The following PCDH9 variants were observed in gnomAD, a reference collection of about 807,000 sequenced individuals.
PCDH9 encodes protocadherin-9.
A neutral mutation model predicts 70.6 loss-of-function variants in PCDH9; 24 were observed. That is an observed-to-expected ratio of 0.34 (90% CI 0.25 to 0.48). The LOEUF (loss-of-function observed/expected upper bound fraction) is 0.48. Ranked by LOEUF, PCDH9 falls within the 20% of genes least tolerant of loss-of-function variation. The probability of loss-of-function intolerance (pLI) is 0.99; values close to 1 mark genes in which losing one functional copy is unlikely to be tolerated. For missense variants in PCDH9, 1,281 were observed against 1,503.6 expected, an observed-to-expected ratio of 0.85 and a Z score of 2.45; for synonymous variants, 562 against 558.5, an observed-to-expected ratio of 1.01 and a Z score of -0.09.
chr13:66,471,829 T>G (rs2138483508), intron 4 of PCDH9, among the ~76,000 whole-genome samples: 1 of 152,084 alleles, frequency 6.6e-6, no homozygotes, highest in East Asian at 1.9e-4. Context: ...GAAGGGAAAG[T>G]GTGGGTTATT....
chr13:66,505,940 G>C (rs543989349), intron 4 of PCDH9, among the ~76,000 whole-genome samples: 1 of 152,048 alleles, frequency 6.6e-6, no homozygotes, highest in South Asian at 2.1e-4. Context: ...CTGCCACCAC[G>C]CCCAACTCAA....
intron 3 of PCDH9, among the ~76,000 whole-genome samples, chr13:66,803,220 TC>T (rs1215014599): frequency 1.2e-4 from 19 of 152,160 alleles, no homozygotes; most frequent in Admixed American, 2.6e-4. Context: ...AAACAAGTAT[TC>T]TTTTTCTTTT....
intron 2 of PCDH9, chr13:67,212,393 T>C (rs1423554309): frequency 6.6e-6 from 1 of 152,116 alleles, no homozygotes; most frequent in African/African-American, 2.4e-5. Context: ...AAAAAAGTAC[T>C]GTGCTTAAAA....
intron 2 of PCDH9, among the ~76,000 whole-genome samples, chr13:67,077,554 C>T (rs1482474683): frequency 6.6e-6 from 1 of 152,132 alleles, no homozygotes; most frequent in Non-Finnish European, 1.5e-5. Flanking sequence ...CCATTTTTGT[C>T]TCTTTGTATC....
chr13:67,171,954 A>G (rs1488086342), intron 2 of PCDH9, among the ~76,000 whole-genome samples: 3 of 152,220 alleles, frequency 2.0e-5, no homozygotes, highest in Non-Finnish European at 4.4e-5. Context: ...AAAGATGTGA[A>G]AGTATTCAAA....
At chr13:66,873,365 A>G (rs918850078) in intron 3 of PCDH9, among the ~76,000 whole-genome samples, 1 of 152,192 alleles carries the variant, frequency 6.6e-6, no homozygotes, top group Non-Finnish European at 1.5e-5. Context: ...CATTTAAAGT[A>G]TAAAATCTTA....
chr13:66,949,687 G>A (rs1397347153), intron 2 of PCDH9, among the ~76,000 whole-genome samples: 2 of 151,754 alleles, frequency 1.3e-5, no homozygotes, highest in African/African-American at 4.8e-5. Context: ...CTTTTATCAA[G>A]GATCATCTCC....
At chr13:67,103,821 C>G (rs1310509155) in intron 2 of PCDH9, among the ~76,000 whole-genome samples, 5 of 151,966 alleles carry the variant, frequency 3.3e-5, no homozygotes, top group Non-Finnish European at 7.4e-5. Context: ...AGTGGGGAAC[C>G]ATCGAAAATC....
chr13:66,799,614 A>G (rs1285488416), intron 3 of PCDH9, among the ~76,000 whole-genome samples: 2 of 152,188 alleles, frequency 1.3e-5, no homozygotes, highest in Non-Finnish European at 2.9e-5. Context: ...ATGTCTATAT[A>G]TTGTCTGTTT....
chr13:67,148,457 A>G (rs1388698609), intron 2 of PCDH9, among the ~76,000 whole-genome samples: 2 of 152,154 alleles, frequency 1.3e-5, no homozygotes, highest in East Asian at 3.9e-4. Flanking sequence ...GAAAGAAAAA[A>G]AAAAGAAAAA....
chr13:66,391,406 G>T (rs1170447916), intron 4 of PCDH9, among the ~76,000 whole-genome samples: 1 of 152,156 alleles, frequency 6.6e-6, no homozygotes, highest in East Asian at 1.9e-4. Flanking sequence ...CAAATGCTCT[G>T]TCTGTTTTAT....
intron 4 of PCDH9, among the ~76,000 whole-genome samples, chr13:66,567,259 GT>G (rs2076666556): frequency 6.6e-6 from 1 of 152,126 alleles, no homozygotes; most frequent in Non-Finnish European, 1.5e-5. Flanking sequence ...AGGAGTTCAT[GT>G]TCTAATTAGG....
intron 2 of PCDH9, among the ~76,000 whole-genome samples, chr13:66,976,421 C>T (rs1301329113): frequency 2.0e-5 from 3 of 152,006 alleles, no homozygotes; most frequent in East Asian, 3.9e-4. Flanking sequence ...ATTATCTGAG[C>T]CCTTTGGGTG....
At chr13:66,620,480 C>T (rs1366587273) in intron 4 of PCDH9, among the ~76,000 whole-genome samples, 1 of 152,190 alleles carries the variant, frequency 6.6e-6, no homozygotes, top group Non-Finnish European at 1.5e-5. Flanking sequence ...CATACAAACA[C>T]ACACACACAT....
chr13:67,156,945 C>G (rs1227571800), intron 2 of PCDH9, among the ~76,000 whole-genome samples: 2 of 152,224 alleles, frequency 1.3e-5, no homozygotes, highest in Non-Finnish European at 2.9e-5. Context: ...TCCCGTTTCA[C>G]TAGCATATAC....
chr13:66,928,338 G>A (rs1421650886), intron 2 of PCDH9, among the ~76,000 whole-genome samples: 4 of 152,106 alleles, frequency 2.6e-5, no homozygotes, highest in South Asian at 2.1e-4. Context: ...TTTAGCACAA[G>A]GTTCAGACAC....
At chr13:66,535,074 C>A (rs964851816) in intron 4 of PCDH9, among the ~76,000 whole-genome samples, 1 of 151,436 alleles carries the variant, frequency 6.6e-6, no homozygotes, top group African/African-American at 2.4e-5. Flanking sequence ...GTATAAGTGG[C>A]GTGAATAGAA....
intron 2 of PCDH9, among the ~76,000 whole-genome samples, chr13:67,000,064 A>G (rs1313123419): frequency 1.3e-5 from 2 of 152,192 alleles, no homozygotes; most frequent in African/African-American, 4.8e-5. Context: ...TCACAATAGC[A>G]AAGATTTGGA....
chr13:67,222,950 TATATCAC>T (rs1566507001), intron 2 of PCDH9: 1 of 152,184 alleles, frequency 6.6e-6, no homozygotes, highest in Admixed American at 6.5e-5. Flanking sequence ...TATTACTTTG[TATATCAC>T]TACCACTTCT....
Sources: allele counts gnomAD v4.1 joint callset (sites outside exome capture counted in the v4.1 genomes callset), GRCh38; gene constraint gnomAD v4.1.1; transcripts MANE v1.5; gene names NCBI Gene and HGNC (gene_info 2026-07-23, HGNC 2026-07-21).